PRSS55: variants seen among roughly 807,000 people sequenced by gnomAD.
PRSS55 encodes serine protease 55, also known as probable serine protease UNQ9391/PRO34284.
Under a neutral mutation model 23.6 loss-of-function variants are expected in PRSS55, and 41 were observed. The ratio of observed to expected loss-of-function variants is 1.74; its 90% CI spans 1.35 to 2.26. PRSS55 has a LOEUF of 2.26. PRSS55 is among the 30% of genes most tolerant of loss of function. The pLI, the probability that PRSS55 is intolerant of heterozygous loss-of-function variation, is 0.00. For synonymous variants in PRSS55, 262 were observed against 175.5 expected (o/e 1.49, Z -3.90); for missense variants, 669 against 439.1 (o/e 1.52, Z -4.68).
intron 4 of PRSS55, among the ~76,000 whole-genome samples, chr8:10,545,414 C>G (rs933441806): frequency 2.0e-5 from 3 of 152,148 alleles, no homozygotes; most frequent in African/African-American, 7.2e-5. Flanking sequence ...AGGCTGCAAA[C>G]TTTATTATTA....
chr8:10,541,783 T>G (rs933451039), downstream of PRSS55, among the ~76,000 whole-genome samples: 3 of 152,084 alleles, frequency 2.0e-5, no homozygotes, highest in Non-Finnish European at 4.4e-5. Flanking sequence ...TTTTGAGACA[T>G]GGCCTCACTC....
chr8:10,537,828 C>A (rs894307021), intron 4 of PRSS55, among the ~76,000 whole-genome samples: 1 of 152,156 alleles, frequency 6.6e-6, no homozygotes, highest in Non-Finnish European at 1.5e-5. Context: ...TCTCCTCCTG[C>A]AGGCTCATTT....
At chr8:10,527,173 C>A (rs1360109899) in intron 1 of PRSS55, among the ~76,000 whole-genome samples, 6 of 152,218 alleles carry the variant, frequency 3.9e-5, no homozygotes, top group Admixed American at 3.3e-4. Flanking sequence ...AAACATTTTC[C>A]TGTGTTGTTA....
chr8:10,532,887 C>T lies in PRSS55; in HGVS notation c.599-19C>T, dbSNP rs368934897. The T allele has an allele frequency of 3.3e-5, 53 of 1,613,842 alleles. No homozygotes were observed. In the Middle Eastern group the frequency reaches 8.2e-4, roughly 25 times the overall value. The stretch of plus-strand genomic sequence containing the variant: ...ATGAGGCCCAGTGGCTTCTCTAATG[C>T]GCTTTCTCTCTGGGCCAGCTGACAA... On this transcript the variant is annotated intron_variant, in intron 3 of 4. Transcript: ENST00000328655.
chr8:10,528,751 G>C (rs952883889), intron 1 of PRSS55, among the ~76,000 whole-genome samples: 1 of 152,218 alleles, frequency 6.6e-6, no homozygotes, highest in Non-Finnish European at 1.5e-5. Flanking sequence ...ACAGTACTGT[G>C]GGACAGAGCT....
At chr8:10,553,886 T>C (rs1813003884) in intron 4 of PRSS55, 2 of 1,195,524 alleles carry the variant, frequency 1.7e-6, no homozygotes, top group South Asian at 2.9e-5. Context: ...AAGCACCACA[T>C]TGTACAATAA....
intron 4 of PRSS55, among the ~76,000 whole-genome samples, chr8:10,533,967 G>T (rs745862530): frequency 2.6e-5 from 4 of 152,164 alleles, no homozygotes; most frequent in Non-Finnish European, 5.9e-5. Context: ...GGCAGAAAGG[G>T]AAAAGAGAAA....
At chr8:10,541,409 C>T (rs56340030), downstream of PRSS55, 38,658 of 152,096 alleles carry the variant, frequency 0.25, 5,196 homozygotes, top group Middle Eastern at 0.33. Context: ...ATTCCTCAGC[C>T]GCCCACCTTC....
chr8:10,532,078 C>A, intron 3 of PRSS55, among the ~76,000 whole-genome samples: 1 of 152,060 alleles, frequency 6.6e-6, no homozygotes, highest in East Asian at 1.9e-4. Flanking sequence ...CCAACAAAAC[C>A]AAAAGCAAAT....
chr8:10,532,854 G>T, intron 3 of PRSS55, 52 bp from the exon 4 acceptor site: 14 of 1,610,276 alleles, frequency 8.7e-6, no homozygotes, highest in Non-Finnish European at 1.2e-5. Flanking sequence ...CATCACGAAC[G>T]TGGGGACATG....
chr8:10,550,716 T>A (rs895538450), intron 4 of PRSS55, among the ~76,000 whole-genome samples: 1 of 152,154 alleles, frequency 6.6e-6, no homozygotes, highest in African/African-American at 2.4e-5. Flanking sequence ...GTTACCTTGG[T>A]TTTTACTGTA....
intron 4 of PRSS55, among the ~76,000 whole-genome samples, chr8:10,535,214 T>A (rs752950784): frequency 1.3e-5 from 2 of 152,086 alleles, no homozygotes. Flanking sequence ...TAGAAAAAAA[T>A]TATTTTAAAA....
intron 3 of PRSS55, chr8:10,531,785 G>T: frequency 1.8e-6 from 1 of 560,162 alleles, no homozygotes; most frequent in Non-Finnish European, 3.2e-6. Context: ...TGGTTTGTGT[G>T]TTTAACTGAA....
intron 1 of PRSS55, among the ~76,000 whole-genome samples, chr8:10,527,034 C>A (rs767907945): frequency 2.0e-5 from 3 of 152,202 alleles, no homozygotes; most frequent in Non-Finnish European, 2.9e-5. Context: ...ACCATCCAAC[C>A]CAGCTCATAC....
At chr8:10,553,856 C>T in intron 4 of PRSS55, 1 of 842,166 alleles carries the variant, frequency 1.2e-6, no homozygotes, top group Non-Finnish European at 1.8e-6. Flanking sequence ...GTAACCATTT[C>T]ACAATGTATA....
At chr8:10,526,647 A>G (rs901631638) in intron 1 of PRSS55, among the ~76,000 whole-genome samples, 2 of 152,210 alleles carry the variant, frequency 1.3e-5, no homozygotes, top group Admixed American at 6.5e-5. Flanking sequence ...ACACGATTCC[A>G]TACAGATGTT....
At chr8:10,546,321 A>G (rs953111921) in intron 4 of PRSS55, among the ~76,000 whole-genome samples, 2 of 152,200 alleles carry the variant, frequency 1.3e-5, no homozygotes, top group Admixed American at 1.3e-4. Context: ...AAACAGCCCC[A>G]GACAAAGCTT....
At position 10,531,491 on chromosome 8, in the gene PRSS55, G is replaced by A. The variant is rs760691986; in HGVS notation, c.544G>A (p.Gly182Ser). Reference sequence around the variant, plus strand: ...GCCCATCTGCCTCCCCACGCAGCCCGGCCCTGCCACATGGCGCGAATGCTG... The same window carrying A: ...GCCCATCTGCCTCCCCACGCAGCCCAGCCCTGCCACATGGCGCGAATGCTG... ...KVPICLPTQP[G>S]PATWRECWVA... The change falls in exon 3 of 5, where the codon GGC becomes AGC. Residue 182 changes from glycine (G) to serine (S), a missense_variant. Coordinates refer to ENST00000328655, the MANE Select transcript of PRSS55 (RefSeq NM_198464.4). The A allele has an allele frequency of 1.5e-5, 25 of 1,613,878 alleles. No individual in the cohort carries two copies. The highest frequency in any genetic ancestry group is 1.3e-4 in the East Asian group (6 of 44,880).
chr8:10,531,618 G>A (rs1224745896), intron 3 of PRSS55, 73 bp downstream of exon 3: 2 of 1,576,312 alleles, frequency 1.3e-6, no homozygotes, highest in Admixed American at 1.7e-5. Flanking sequence ...AGCTAAGGAA[G>A]GAGTGAGGAC....
Sources: gnomAD v4.1 joint callset for allele counts (sites outside exome capture counted in the v4.1 genomes callset) on GRCh38, gnomAD v4.1.1 for gene constraint, MANE v1.5 for transcripts, NCBI Gene and HGNC (gene_info 2026-07-23, HGNC 2026-07-21) for gene names.